Variants in ROR2 observed in about 807,000 individuals in gnomAD.
The protein encoded by ROR2 is tyrosine-protein kinase transmembrane receptor ROR2.
Under a neutral mutation model 74.9 loss-of-function variants are expected in ROR2, and 33 were observed. The ratio of observed to expected loss-of-function variants is 0.44; its 90% confidence interval spans 0.33 to 0.59. The LOEUF is 0.59. Ranked by LOEUF, ROR2 falls within the 20% of genes least tolerant of loss-of-function variation. The probability of loss-of-function intolerance (pLI) is 0.02; values close to 1 mark genes in which losing one functional copy is unlikely to be tolerated. For missense variants in ROR2, 1,216 were observed against 1,313.8 expected (o/e 0.93, Z 1.15); for synonymous variants, 586 against 558.7 (o/e 1.05, Z -0.69).
intron 4 of ROR2, among the ~76,000 whole-genome samples, chr9:91,743,946 CTCA>C (rs1825325404): frequency 6.6e-6 from 1 of 152,114 alleles, no homozygotes; most frequent in South Asian, 2.1e-4. Context: ...CCCCCAAATG[CTCA>C]TCAATAGGTG....
At chr9:91,868,760 G>A (rs73517094) in intron 1 of ROR2, among the ~76,000 whole-genome samples, 10,850 of 152,208 alleles carry the variant, frequency 0.071, 457 homozygotes, top group Middle Eastern at 0.13. Context: ...CTCAAATGAA[G>A]GAAAGCTAAT....
chr9:91,832,093 T>C (rs7874148), intron 1 of ROR2, among the ~76,000 whole-genome samples: 60,593 of 151,796 alleles, frequency 0.4, 14,150 homozygotes, highest in African/African-American at 0.63. Flanking sequence ...TAGAGCAGGA[T>C]GAGGAATGGA....
At chr9:91,900,028 C>T (rs1307610241) in intron 1 of ROR2, among the ~76,000 whole-genome samples, 1 of 152,168 alleles carries the variant, frequency 6.6e-6, no homozygotes, top group Non-Finnish European at 1.5e-5. Flanking sequence ...AAACATTAAT[C>T]GATAAGTACC....
intron 1 of ROR2, among the ~76,000 whole-genome samples, chr9:91,854,832 T>C (rs950408932): frequency 2.2e-4 from 33 of 152,242 alleles, no homozygotes; most frequent in African/African-American, 5.8e-4. Flanking sequence ...GGTAGAGTGC[T>C]GTTTAAATAG....
Position 91,949,926 on chromosome 9 carries a change from A to C in ROR2, c.38T>G (p.Leu13Arg), listed in dbSNP as rs1216491559. 2.0e-6 allele frequency: 3 copies of C among 1,521,944 alleles called. No homozygotes were observed. The African/African-American group carries it at 4.3e-5, about 22-fold the overall frequency. 94.3% of individuals were successfully genotyped at this position (1,521,944 alleles called of 1,614,324 possible). A position where few individuals can be genotyped will look rare whatever the true frequency, so the allele number is the denominator to read the frequency against. ...RGSALPRRPLLCIPAVWAAAA... is the reference protein window; with the variant it reads ...RGSALPRRPLRCIPAVWAAAA... Reference sequence around the variant, plus strand: ...GGCCGCCCAGACGGCCGGGATGCACAGCAGCGGCCGCCGCGGGAGCGCCGA... The same window carrying C: ...GGCCGCCCAGACGGCCGGGATGCACCGCAGCGGCCGCCGCGGGAGCGCCGA... Residue 13 changes from leucine (L) to arginine (R), a missense_variant, in exon 1 of 9, where the codon CTG becomes CGG. Leu to Arg is a moderately radical substitution (Grantham distance 102). Transcript: ENST00000375708.
At chr9:91,770,839 G>A (rs10992087) in intron 2 of ROR2, among the ~76,000 whole-genome samples, 15,865 of 152,092 alleles carry the variant, frequency 0.1, 1,139 homozygotes, top group East Asian at 0.26. Context: ...ACTATCATAC[G>A]TACACACAGG....
intron 4 of ROR2, among the ~76,000 whole-genome samples, chr9:91,740,583 T>C (rs1176002788): frequency 6.6e-6 from 1 of 150,666 alleles, no homozygotes; most frequent in Admixed American, 6.6e-5. Context: ...TATGTATATA[T>C]ATATATACAT....
At chr9:91,893,375 G>A (rs1256335944) in intron 1 of ROR2, among the ~76,000 whole-genome samples, 4 of 152,040 alleles carry the variant, frequency 2.6e-5, no homozygotes, top group African/African-American at 4.8e-5. Flanking sequence ...GGAAGGCGGC[G>A]GTTGCAGTGA....
chr9:91,861,528 T>C (rs1363941206), intron 1 of ROR2, among the ~76,000 whole-genome samples: 1 of 152,180 alleles, frequency 6.6e-6, no homozygotes, highest in East Asian at 1.9e-4. Flanking sequence ...CTTCAACAAT[T>C]GGTATTGGAA....
At chr9:91,918,263 C>CAAAA (rs533398274) in intron 1 of ROR2, among the ~76,000 whole-genome samples, 1 of 104,314 alleles carries the variant, frequency 9.6e-6, no homozygotes, top group African/African-American at 3.4e-5. Context: ...AGACTCGTCT[C>CAAAA]AAAAAAAAAA....
intron 1 of ROR2, among the ~76,000 whole-genome samples, chr9:91,782,100 G>A (rs1826639069): frequency 6.6e-6 from 1 of 152,216 alleles, no homozygotes; most frequent in South Asian, 2.1e-4. Flanking sequence ...AGCCTGGCCG[G>A]GCTGGGAGGC....
intron 1 of ROR2, among the ~76,000 whole-genome samples, chr9:91,862,271 A>C (rs564550166): frequency 6.6e-6 from 1 of 152,242 alleles, no homozygotes; most frequent in South Asian, 2.1e-4. Flanking sequence ...CGGAGCTTGC[A>C]GTGAGCTGAC....
intron 4 of ROR2, among the ~76,000 whole-genome samples, chr9:91,742,779 CTTCACA>C (rs1375005336): frequency 6.6e-6 from 1 of 152,178 alleles, no homozygotes; most frequent in Non-Finnish European, 1.5e-5. Context: ...TGTCCTGGGC[CTTCACA>C]TTCACTCGCG....
chr9:91,775,800 T>C lies in ROR2; in HGVS notation c.116A>G (p.Asp39Gly). 6.2e-7 allele frequency: 1 copy of C among 1,614,108 alleles called. No individual in the cohort carries two copies. The highest frequency in any genetic ancestry group is 8.5e-7 in the Non-Finnish European group (1 of 1,180,004). ...SRTSGEVEVL[D>G]PNDPLGPLDG... is the part of the protein sequence containing the mutation. ...AAGGGGTCCTAAAGGGTCGTTCGGA[T>C]CCAGAACCTCCACTTCACCTGGGAA... Residue 39 changes from aspartate (D) to glycine (G), a missense_variant, in exon 2 of 9, where the codon GAT becomes GGT. By Grantham distance (94) the Asp-to-Gly change is moderately conservative. Coordinates refer to ENST00000375708, the MANE Select transcript of ROR2 (RefSeq NM_004560.4).
rs770408058 is a variant in ROR2, at chr9:91,731,059, G to A, written c.1034C>T (p.Pro345Leu). The A allele has an allele frequency of 5.0e-6, 8 of 1,614,138 alleles. No individual in the cohort carries two copies. In the South Asian group the frequency reaches 7.7e-5, roughly 16 times the overall value. ...HQCQPWALQHPHSHHLSSTDF... is the reference protein window; with the variant it reads ...HQCQPWALQHLHSHHLSSTDF... ...TGTGCTGGACAGGTGGTGGCTGTGGGGGTGCTGCAGGGCCCACGGCTGGCA... is the reference window on the plus strand; with the variant it reads ...TGTGCTGGACAGGTGGTGGCTGTGGAGGTGCTGCAGGGCCCACGGCTGGCA... The change falls in exon 7 of 9, where the codon CCC (proline) becomes CTC (leucine). Residue 345 changes from proline (P) to leucine (L), a missense_variant. By Grantham distance (98) the Pro-to-Leu change is moderately conservative (BLOSUM62 -3). Coordinates refer to ENST00000375708, the MANE Select transcript of ROR2 (RefSeq NM_004560.4).
chr9:91,884,792 T>C (rs1830225685), intron 1 of ROR2, among the ~76,000 whole-genome samples: 1 of 151,996 alleles, frequency 6.6e-6, no homozygotes. Flanking sequence ...TTTTTCTAAA[T>C]GAATGTCAGG....
chr9:91,762,378 C>A (rs1162728403), intron 2 of ROR2, among the ~76,000 whole-genome samples: 6 of 150,944 alleles, frequency 4.0e-5, no homozygotes, highest in African/African-American at 1.5e-4. Context: ...TAGATACCAT[C>A]TTCCTCAAAT....
intron 1 of ROR2, among the ~76,000 whole-genome samples, chr9:91,912,300 T>C (rs78408863): frequency 0.032 from 4,852 of 152,330 alleles, 118 homozygotes; most frequent in South Asian, 0.062. Flanking sequence ...GCAACCTTTC[T>C]GTACGCCTAA....
intron 5 of ROR2, among the ~76,000 whole-genome samples, chr9:91,735,022 G>A (rs1266950766): frequency 1.3e-5 from 2 of 152,188 alleles, no homozygotes; most frequent in Non-Finnish European, 2.9e-5. Context: ...TGTCAAAAAT[G>A]TAGGTAGGCC....
Sources: allele counts gnomAD v4.1 joint callset (sites outside exome capture counted in the v4.1 genomes callset), GRCh38; gene constraint gnomAD v4.1.1; transcripts MANE v1.5; gene names NCBI Gene and HGNC (gene_info 2026-07-23, HGNC 2026-07-21).